Variants in AGMO observed in about 807,000 individuals in gnomAD.
The protein encoded by AGMO is alkylglycerol monooxygenase, also known as glyceryl-ether monooxygenase.
A neutral mutation model predicts 60.2 loss-of-function variants in AGMO; 75 were observed. That is an observed-to-expected ratio of 1.25 (90% CI 1.03 to 1.51). The LOEUF (loss-of-function observed/expected upper bound fraction) is 1.51, where lower values mean the gene tolerates loss of function less well. Among genes scored for constraint, AGMO ranks in the 40% most tolerant of loss-of-function variants. AGMO has a pLI of 0.00. For missense variants in AGMO, 763 were observed against 525.5 expected, an observed-to-expected ratio of 1.45 and a Z score of -4.42; for synonymous variants, 261 against 177.1, an observed-to-expected ratio of 1.47 and a Z score of -3.76.
chr7:15,393,136 G>A (rs1784219092), intron 6 of AGMO, among the ~76,000 whole-genome samples: 1 of 152,204 alleles, frequency 6.6e-6, no homozygotes, highest in African/African-American at 2.4e-5. Context: ...CCTGGAATTG[G>A]AGAATGACTG....
At chr7:15,384,842 A>G (rs1180142847) in intron 10 of AGMO, among the ~76,000 whole-genome samples, 2 of 83,038 alleles carry the variant, frequency 2.4e-5, no homozygotes, top group Non-Finnish European at 5.4e-5. Context: ...TTTGCAATTT[A>G]CAACATATTT....
chr7:15,548,803 G>A (rs1784864127), intron 2 of AGMO, among the ~76,000 whole-genome samples: 1 of 152,062 alleles, frequency 6.6e-6, no homozygotes, highest in South Asian at 2.1e-4. Context: ...TCAGTTTCAG[G>A]AAATACAGAG....
intron 3 of AGMO, among the ~76,000 whole-genome samples, chr7:15,433,275 G>A (rs1029609633): frequency 3.3e-5 from 5 of 152,032 alleles, no homozygotes; most frequent in African/African-American, 9.7e-5. Context: ...AATCCACAAA[G>A]GTGGAGGTTA....
intron 12 of AGMO, among the ~76,000 whole-genome samples, chr7:15,258,129 T>C (rs1292413782): frequency 6.6e-6 from 1 of 152,194 alleles, no homozygotes; most frequent in East Asian, 1.9e-4. Context: ...TGTACTATTT[T>C]AGGTTATAAT....
At position 15,388,732 on chromosome 7, in the gene AGMO, T is replaced by C. The variant is rs529113123; in HGVS notation, c.823-1192A>G. On this transcript the variant is annotated intron_variant, in intron 8 of 12. Transcript: ENST00000342526. Reference sequence around the variant, plus strand: ...CCATCCTAAGTTGCTTTGATGCCTCTGCAGAATAGGTGAGAAATTTACCTG... The same window carrying C: ...CCATCCTAAGTTGCTTTGATGCCTCCGCAGAATAGGTGAGAAATTTACCTG... 5.3e-5 allele frequency among the ~76,000 whole-genome samples: 8 copies of C among 152,330 alleles called. No individual in the cohort carries two copies. In the East Asian group the frequency reaches 1.4e-3, roughly 26 times the overall value.
At chr7:15,190,399 C>A in the AGMO span, among the ~76,000 whole-genome samples, 3 of 151,666 alleles carry the variant, frequency 2.0e-5, no homozygotes, top group Non-Finnish European at 4.4e-5. Flanking sequence ...TTTATAAGCA[C>A]ACAGAGAGTA....
intron 3 of AGMO, among the ~76,000 whole-genome samples, chr7:15,528,944 G>C (rs887036141): frequency 1.3e-5 from 2 of 151,964 alleles, no homozygotes; most frequent in African/African-American, 2.4e-5. Context: ...CACCGCGCCC[G>C]GCCAACCATT....
chr7:15,483,989 G>A (rs1026272098), intron 3 of AGMO, among the ~76,000 whole-genome samples: 1 of 152,090 alleles, frequency 6.6e-6, no homozygotes, highest in Admixed American at 6.6e-5. Flanking sequence ...TTCAATGAAC[G>A]TTCCAATATA....
At chr7:15,434,156 A>G (rs1188651984) in intron 3 of AGMO, among the ~76,000 whole-genome samples, 4 of 152,046 alleles carry the variant, frequency 2.6e-5, no homozygotes, top group African/African-American at 9.7e-5. Context: ...CAGATAATTC[A>G]AGTTCTGGAC....
At chr7:15,376,223 C>T (rs940784858) in intron 10 of AGMO, among the ~76,000 whole-genome samples, 8 of 151,698 alleles carry the variant, frequency 5.3e-5, no homozygotes, top group African/African-American at 1.7e-4. Context: ...TAGTTACCAC[C>T]GAAAATCTTA....
chr7:15,496,091 T>A (rs1783224960), intron 3 of AGMO, among the ~76,000 whole-genome samples: 1 of 152,040 alleles, frequency 6.6e-6, no homozygotes. Flanking sequence ...GAGGCAATAG[T>A]CTTGGATATA....
chr7:15,223,156 G>A (rs1017990550), intron 12 of AGMO, among the ~76,000 whole-genome samples: 4 of 151,898 alleles, frequency 2.6e-5, no homozygotes, highest in South Asian at 2.1e-4. Flanking sequence ...TTTTAAGTGA[G>A]TGCTCAAAAG....
intron 9 of AGMO, among the ~76,000 whole-genome samples, chr7:15,386,130 A>G (rs775757321): frequency 1.3e-5 from 2 of 152,206 alleles, no homozygotes; most frequent in Admixed American, 1.3e-4. Context: ...GCAGTGAGCC[A>G]GGACTGCATG....
intron 12 of AGMO, among the ~76,000 whole-genome samples, chr7:15,343,126 A>AT (rs1427093144): frequency 6.6e-6 from 1 of 152,158 alleles, no homozygotes; most frequent in East Asian, 1.9e-4. Context: ...TTTATATGAT[A>AT]TTCAGATTCT....
chr7:15,287,761 T>C (rs1784139864), intron 12 of AGMO, among the ~76,000 whole-genome samples: 1 of 149,520 alleles, frequency 6.7e-6, no homozygotes, highest in Non-Finnish European at 1.5e-5. Flanking sequence ...ATGAATACTT[T>C]AAATGCATTT....
At chr7:15,350,074 C>G (rs887257658) in intron 12 of AGMO, among the ~76,000 whole-genome samples, 7 of 152,104 alleles carry the variant, frequency 4.6e-5, no homozygotes, top group Non-Finnish European at 7.4e-5. Flanking sequence ...AATCATGAAA[C>G]TGAGAATTAA....
chr7:15,256,491 C>T (rs1190000123), intron 12 of AGMO, among the ~76,000 whole-genome samples: 1 of 152,114 alleles, frequency 6.6e-6, no homozygotes, highest in Non-Finnish European at 1.5e-5. Context: ...TACAGGCGCC[C>T]ACCACGACGC....
intron 12 of AGMO, chr7:15,306,360 A>G: frequency 3.6e-6 from 1 of 276,100 alleles, no homozygotes; most frequent in South Asian, 3.3e-5. Flanking sequence ...TCATGGATCA[A>G]AAAGACCCCT....
intron 12 of AGMO, among the ~76,000 whole-genome samples, chr7:15,318,265 A>G (rs1781001398): frequency 6.6e-6 from 1 of 152,078 alleles, no homozygotes; most frequent in Admixed American, 6.6e-5. Context: ...CAGCCTCACA[A>G]TGTGCTGGAA....
Sources: allele counts gnomAD v4.1 joint callset (sites outside exome capture counted in the v4.1 genomes callset), GRCh38; gene constraint gnomAD v4.1.1; transcripts MANE v1.5; gene names NCBI Gene and HGNC (gene_info 2026-07-23, HGNC 2026-07-21).